The following TRPM8 variants were observed in gnomAD, a reference collection of about 807,000 sequenced individuals.
TRPM8 encodes the protein TRPM8 cationic channel.
In TRPM8, 110 loss-of-function variants were observed where a neutral mutation model predicts 133.7. That is an observed-to-expected ratio of 0.82 (90% CI 0.70 to 0.96). The LOEUF (loss-of-function observed/expected upper bound fraction) is 0.96, where lower values mean the gene tolerates loss of function less well. Among genes scored for constraint, TRPM8 ranks in the 40% least tolerant of loss-of-function variants. The pLI is 0.00. For missense variants in TRPM8, 1,291 were observed against 1,379.5 expected (o/e 0.94, Z 1.02); for synonymous variants, 535 against 532.3 (o/e 1.01, Z -0.07).
At chr2:233,964,258 G>A (rs1691506372) in intron 13 of TRPM8, among the ~76,000 whole-genome samples, 1 of 152,166 alleles carries the variant, frequency 6.6e-6, no homozygotes. Flanking sequence ...AAGGGATTAA[G>A]ACTTAACCTT....
intron 9 of TRPM8, 78 bp downstream of exon 9, chr2:233,950,224 A>C: frequency 2.2e-6 from 3 of 1,370,362 alleles, no homozygotes; most frequent in Non-Finnish European, 1.0e-6. Context: ...TAAACGCCCA[A>C]CTCCACCAGC....
intron 12 of TRPM8, among the ~76,000 whole-genome samples, chr2:233,962,863 C>T (rs918996239): frequency 3.3e-5 from 5 of 152,164 alleles, no homozygotes; most frequent in African/African-American, 1.2e-4. Flanking sequence ...CTTTGAATAA[C>T]AGTCCAAAGA....
intron 8 of TRPM8, chr2:233,947,493 A>G: frequency 7.6e-7 from 1 of 1,322,152 alleles, no homozygotes; most frequent in Non-Finnish European, 9.9e-7. Context: ...CTGCATTGAG[A>G]TGAGCTGTGA....
At chr2:234,008,542 C>T (rs1270114414) in intron 24 of TRPM8, among the ~76,000 whole-genome samples, 2 of 152,238 alleles carry the variant, frequency 1.3e-5, no homozygotes, top group East Asian at 3.8e-4. Context: ...CAGGCATAGA[C>T]AGAGTGTGTC....
rs777598872 is a variant in TRPM8, at chr2:233,937,480, C to T, written c.319C>T (p.Gln107Ter). Residue 107 changes from glutamine to a stop codon, truncating the protein, a stop_gained, in exon 4 of 26, where the codon CAG (glutamine) becomes TAG (stop). Transcript: ENST00000324695. LOFTEE classifies it high-confidence loss of function. ...EFPTDAFGDI[Q>*]FETLGKKGKY... ...TCCTACCGACGCCTTTGGGGATATT[C>T]AGTTTGAGACACTGGGGAAGAAAGG... 6 of 1,613,484 alleles carry T rather than the reference C, an allele frequency of 3.7e-6. No homozygotes were observed. The highest frequency in any genetic ancestry group is 2.2e-5 in the East Asian group (1 of 44,886).
intron 17 of TRPM8, among the ~76,000 whole-genome samples, chr2:233,976,085 C>G (rs1365502259): frequency 6.6e-6 from 1 of 152,096 alleles, no homozygotes; most frequent in East Asian, 1.9e-4. Context: ...TACTTCACAC[C>G]CCTACTTTGT....
intron 14 of TRPM8, chr2:233,966,096 C>A: frequency 6.5e-6 from 1 of 154,198 alleles, no homozygotes; most frequent in Non-Finnish European, 1.4e-5. Context: ...GTGATCCACA[C>A]TCCTCGGCCT....
rs76469963 is a variant in TRPM8, at chr2:234,009,915, C to T, written c.3264+1812C>T. Among the ~76,000 whole-genome samples the T allele has an allele frequency of 6.9e-3, 1,046 of 152,154 alleles. 10 individuals carry two copies. Among genetic ancestry groups the T allele is most frequent in the Non-Finnish European group, 7.3e-3 (497 of 68,008 alleles). On this transcript the variant is annotated intron_variant, in intron 24 of 25. Transcript: ENST00000324695. ...TACATTGCAAAATGATCACTACAAC[C>T]GAGCCCAGCTAATTAACATCGTATT...
intron 9 of TRPM8, among the ~76,000 whole-genome samples, chr2:233,953,108 G>A (rs1256558430): frequency 6.6e-6 from 1 of 152,106 alleles, no homozygotes; most frequent in Non-Finnish European, 1.5e-5. Flanking sequence ...TTTGAACTAA[G>A]ACCTCCATCA....
chr2:233,979,179 A>G (rs1328859098), intron 17 of TRPM8, among the ~76,000 whole-genome samples: 1 of 152,192 alleles, frequency 6.6e-6, no homozygotes, highest in African/African-American at 2.4e-5. Context: ...TGCTTTGGTG[A>G]CATTTCTTTG....
At chr2:233,963,432 G>A (rs1691488996) in intron 13 of TRPM8, 55 bp downstream of exon 13, 1 of 1,094,454 alleles carries the variant, frequency 9.1e-7, no homozygotes, top group Admixed American at 2.1e-5. Flanking sequence ...TGTTATAACA[G>A]TTCTGATCCT....
chr2:233,940,190 C>G (rs572439577), intron 5 of TRPM8, among the ~76,000 whole-genome samples: 1 of 151,586 alleles, frequency 6.6e-6, no homozygotes, highest in Non-Finnish European at 1.5e-5. Context: ...TGATTAGATT[C>G]AGTTTGTCTA....
intron 17 of TRPM8, among the ~76,000 whole-genome samples, chr2:233,972,152 A>G (rs1479368756): frequency 6.6e-6 from 1 of 152,004 alleles, no homozygotes; most frequent in Non-Finnish European, 1.5e-5. Flanking sequence ...ACCTTGAGCT[A>G]GATACAGAGT....
At position 233,927,849 on chromosome 2, in the gene TRPM8, T is replaced by TC. The variant is rs1691579808; in HGVS notation, c.117+1195_117+1196insC. 2.3e-4 allele frequency among the ~76,000 whole-genome samples: 16 copies of TC among 70,692 alleles called. 2 individuals carry two copies. The East Asian group carries it at 4.9e-3, about 22-fold the overall frequency. 46.4% of individuals were successfully genotyped at this position (70,692 alleles called of 152,430 possible). On this transcript the variant is annotated intron_variant, in intron 2 of 25. Transcript: ENST00000324695. ...CTTCCTTCCTTCCTTCCTTCCTTCC[T>TC]TCCTTTCTTTCTCTTTCTTTCTTTC...
intron 17 of TRPM8, among the ~76,000 whole-genome samples, chr2:233,971,741 C>G (rs540962921): frequency 6.6e-6 from 1 of 151,956 alleles, no homozygotes; most frequent in African/African-American, 2.4e-5. Flanking sequence ...CAGACCTTTG[C>G]GGTGAGTGTT....
intron 20 of TRPM8, 124 bp from the exon 21 acceptor site, chr2:233,985,564 A>G: frequency 1.2e-6 from 1 of 850,998 alleles, no homozygotes; most frequent in Non-Finnish European, 1.9e-6. Flanking sequence ...GTTTGGACAA[A>G]GTGCCTTAGA....
intron 17 of TRPM8, among the ~76,000 whole-genome samples, chr2:233,976,748 T>A (rs530862105): frequency 6.6e-6 from 1 of 152,284 alleles, no homozygotes; most frequent in South Asian, 2.1e-4. Context: ...CAGTGTGTGT[T>A]CCAGGTGGCT....
chr2:234,009,635 T>A (rs1206194915), intron 24 of TRPM8, among the ~76,000 whole-genome samples: 1 of 152,166 alleles, frequency 6.6e-6, no homozygotes, highest in South Asian at 2.1e-4. Flanking sequence ...TCCCACCGCC[T>A]CCCTCCCCTT....
At chr2:233,948,198 A>G (rs11563131) in intron 8 of TRPM8, among the ~76,000 whole-genome samples, 12 of 152,206 alleles carry the variant, frequency 7.9e-5, no homozygotes, top group Admixed American at 6.5e-4. Context: ...TTATTCTTTT[A>G]TGTAACAATG....
Sources: allele counts gnomAD v4.1 joint callset (sites outside exome capture counted in the v4.1 genomes callset), GRCh38; gene constraint gnomAD v4.1.1; transcripts MANE v1.5; gene names NCBI Gene and HGNC (gene_info 2026-07-23, HGNC 2026-07-21).